The following SETD6 variants were observed in gnomAD, a reference collection of about 807,000 sequenced individuals.
The protein encoded by SETD6 is SET domain containing 6, protein lysine methyltransferase, also known as N-lysine methyltransferase SETD6.
In SETD6, 67 loss-of-function variants were observed where a neutral mutation model predicts 52.7. The ratio of observed to expected loss-of-function variants is 1.27; its 90% CI spans 1.04 to 1.56. The LOEUF (loss-of-function observed/expected upper bound fraction) is 1.56. Ranked by LOEUF, SETD6 falls within the 40% of genes most tolerant of loss-of-function variation. The pLI is 0.00. For synonymous variants in SETD6, 307 were observed against 250.2 expected (o/e 1.23, Z -2.14); for missense variants, 712 against 607.5 (o/e 1.17, Z -1.81).
At position 58,523,807 on chromosome 16, in the gene SETD6, C is replaced by CT. The variant is rs2039487985; in HGVS notation, c.*4779dup. The CT allele has an allele frequency of 1.3e-5, 3 of 226,962 alleles. No individual in the cohort carries two copies. Among genetic ancestry groups the CT allele is most frequent in the Non-Finnish European group, 2.6e-5 (3 of 114,586 alleles). 14.1% of individuals were successfully genotyped at this position (226,962 alleles called of 1,614,324 possible). ...AAGTCTTTCTACATTTTGCAGATCT[C>CT]TAAGTCTTGCTTAATAAAAGACAGC... On this transcript the variant is annotated 3_prime_UTR_variant, in exon 8 of 8. Transcript: ENST00000219315.
Position 58,518,228 on chromosome 16 carries a change from C to A in SETD6, c.970C>A (p.Gln324Lys). 6.2e-7 allele frequency: 1 copy of A among 1,614,184 alleles called. No individual in the cohort carries two copies. The highest frequency in any genetic ancestry group is 8.5e-7 in the Non-Finnish European group (1 of 1,180,034). Residue 324 changes from glutamine (Q) to lysine (K), a missense_variant, in exon 6 of 8, where the codon CAG becomes AAG. By Grantham distance (53) the Gln-to-Lys change is moderately conservative. Coordinates refer to ENST00000219315, the MANE Select transcript of SETD6 (RefSeq NM_001160305.4). ...GGTGACAGTTCGTGAGGCAGCATTA[C>A]AGGGTGAGTGTATCATTAACTCAAT... Reference protein sequence around the residue: ...QMVTVREAALQGTKTEAERHL... With the variant: ...QMVTVREAALKGTKTEAERHL...
Position 58,518,825 on chromosome 16 carries a change from C to G in SETD6, c.1218C>G (p.Pro406=). 1 of 1,614,176 alleles carries G rather than the reference C, an allele frequency of 6.2e-7. No homozygotes were observed. The highest frequency in any genetic ancestry group is 8.5e-7 in the Non-Finnish European group (1 of 1,180,042). The part of the protein sequence containing the change: ...EEGSLTITNI[P]KLKASWRQLL... Reference sequence around the variant, plus strand: ...GCAGCCTGACGATCACAAATATTCCCAAGCTCAAAGCATCGTGGAGACAGC... The same window carrying G: ...GCAGCCTGACGATCACAAATATTCCGAAGCTCAAAGCATCGTGGAGACAGC... The change falls in exon 8 of 8, where the codon CCC becomes CCG. Residue 406 remains proline, a synonymous_variant. Transcript: ENST00000219315.
Position 58,522,504 on chromosome 16 carries a change from G to C in SETD6, c.*3475G>C, listed in dbSNP as rs1265039774. ...AGGAATACCATATTTAGCACCATAGGTGACTAATTAGGCAAATGAGCAAGT... is the reference window on the plus strand; with the variant it reads ...AGGAATACCATATTTAGCACCATAGCTGACTAATTAGGCAAATGAGCAAGT... On this transcript the variant is annotated 3_prime_UTR_variant, in exon 8 of 8. Coordinates refer to ENST00000219315, the MANE Select transcript of SETD6 (RefSeq NM_001160305.4). Among the ~76,000 whole-genome samples, 1 of 80,008 alleles carries C rather than the reference G, an allele frequency of 1.2e-5. No homozygotes were observed. The highest frequency in any genetic ancestry group is 3.1e-3 in the East Asian group (1 of 326). 52.5% of individuals were successfully genotyped at this position (80,008 alleles called of 152,430 possible). A position where few individuals can be genotyped will look rare whatever the true frequency, so the allele number is the denominator to read the frequency against.
At position 58,518,134 on chromosome 16, in the gene SETD6, A is replaced by G. The variant is rs780679825; in HGVS notation, c.876A>G (p.Gln292=). 16 of 1,614,146 alleles carry G rather than the reference A, an allele frequency of 9.9e-6. No individual in the cohort carries two copies. In the Admixed American group the frequency reaches 2.7e-4, roughly 27 times the overall value. Residue 292 remains glutamine (Q), a synonymous_variant, in exon 6 of 8, where the codon CAA becomes CAG. Transcript: ENST00000219315. The part of the protein sequence containing the change: ...FNTYGQMANW[Q]LIHMYGFVEP... ...CTTATGGGCAAATGGCTAACTGGCAACTGATTCATATGTACGGTTTTGTTG... is the reference window on the plus strand; with the variant it reads ...CTTATGGGCAAATGGCTAACTGGCAGCTGATTCATATGTACGGTTTTGTTG...
In SETD6 at chr16:58,521,937, T is replaced by A. The variant is rs1671447242; in HGVS notation, c.*2908T>A. 6.6e-6 allele frequency among the ~76,000 whole-genome samples: 1 copy of A among 151,762 alleles called. No homozygotes were observed. The highest frequency in any genetic ancestry group is 1.5e-5 in the Non-Finnish European group (1 of 67,960). On this transcript the variant is annotated 3_prime_UTR_variant, in exon 8 of 8. Transcript: ENST00000219315. ...CTGCACTCCAGCCTGGGAGACAGAG[T>A]GAGACCCTGTCTCAAATAAACAGAT...
Position 58,521,145 on chromosome 16 carries a change from T to A in SETD6, c.*2116T>A, listed in dbSNP as rs1433258360. On this transcript the variant is annotated 3_prime_UTR_variant, in exon 8 of 8. Coordinates refer to ENST00000219315, the MANE Select transcript of SETD6 (RefSeq NM_001160305.4). ...GAGACAGATGGTTTTCAGTCTCCAG[T>A]CTCATTCCTAGACAATTAAAAATTA... 2 of 1,613,458 alleles carry A rather than the reference T, an allele frequency of 1.2e-6. No homozygotes were observed. The highest frequency in any genetic ancestry group is 2.2e-5 in the South Asian group (2 of 91,034).
rs1298923120 is a variant in SETD6 at position 58,515,936 on chromosome 16, C to CA, written c.173_174insA (p.Ser59GlnfsTer117). ...CGCGGCGGGGCGCGGGCTGCCCTGA[C>CA]CAGCCCTCCTGCTCAGGTGGCGGTC... On this transcript the variant is annotated frameshift_variant, in exon 2 of 8. Coordinates refer to ENST00000219315, the MANE Select transcript of SETD6 (RefSeq NM_001160305.4). LOFTEE classifies it high-confidence loss of function. 2.0e-6 allele frequency: 3 copies of CA among 1,520,304 alleles called. No individual in the cohort carries two copies. Among genetic ancestry groups the CA allele is most frequent in the Non-Finnish European group, 2.6e-6 (3 of 1,142,172 alleles). The allele number at this position is 1,520,304 out of a possible 1,614,324, so 94.2% of individuals were successfully genotyped here. A position where few individuals can be genotyped will look rare whatever the true frequency, so the allele number is the denominator to read the frequency against.
In SETD6 at chr16:58,520,561, C is replaced by G. The variant is rs1206087383; in HGVS notation, c.*1532C>G. On this transcript the variant is annotated 3_prime_UTR_variant, in exon 8 of 8. Coordinates refer to ENST00000219315, the MANE Select transcript of SETD6 (RefSeq NM_001160305.4). ...GGCTTTTTGCTATTCTTTGGGACAC[C>G]AGGAATGTCAGAAGACATGGAGCTA... 1 of 187,506 alleles carries G rather than the reference C, an allele frequency of 5.3e-6. No individual in the cohort carries two copies. Among genetic ancestry groups the G allele is most frequent in the Non-Finnish European group, 1.1e-5 (1 of 89,056 alleles). 11.6% of individuals were successfully genotyped at this position (187,506 alleles called of 1,614,324 possible). A position where few individuals can be genotyped will look rare whatever the true frequency, so the allele number is the denominator to read the frequency against.
At chr16:58,516,770 C>T (rs1016843893) in intron 4 of SETD6, 38 bp from the exon 5 acceptor site, 1 of 1,613,596 alleles carries the variant, frequency 6.2e-7, no homozygotes, top group Non-Finnish European at 8.5e-7. Flanking sequence ...CAGTCCCTCA[C>T]CCAAGACAGG....
chr16:58,523,486 C>G lies in SETD6; in HGVS notation c.*4457C>G, dbSNP rs1410545556. 1 of 1,613,458 alleles carries G rather than the reference C, an allele frequency of 6.2e-7. No homozygotes were observed. Among genetic ancestry groups the G allele is most frequent in the Admixed American group, 1.7e-5 (1 of 59,842 alleles). On this transcript the variant is annotated 3_prime_UTR_variant, in exon 8 of 8. Coordinates refer to ENST00000219315, the MANE Select transcript of SETD6 (RefSeq NM_001160305.4). Reference sequence around the variant, plus strand: ...ACCGGAGCTGATTTGCAATTGCATTCAAAAAGAGATAGCGACCTAGAAATT... The same window carrying G: ...ACCGGAGCTGATTTGCAATTGCATTGAAAAAGAGATAGCGACCTAGAAATT...
chr16:58,519,688 C>G lies in SETD6; in HGVS notation c.*659C>G, dbSNP rs1271187015. The G allele has an allele frequency of 6.6e-6, 1 of 151,172 alleles. No homozygotes were observed. The highest frequency in any genetic ancestry group is 2.1e-4 in the South Asian group (1 of 4,786). 9.4% of individuals were successfully genotyped at this position (151,172 alleles called of 1,614,324 possible). ...TACCTGGGGGAAAAGGATATTAAAA[C>G]TGGGTATTTTAAACTCAGCTTAACC... is the stretch of plus-strand genomic sequence containing the variant. On this transcript the variant is annotated 3_prime_UTR_variant, in exon 8 of 8. Coordinates refer to ENST00000219315, the MANE Select transcript of SETD6 (RefSeq NM_001160305.4).
Position 58,516,833 on chromosome 16 carries a change from G to A in SETD6, c.697G>A (p.Glu233Lys), listed in dbSNP as rs766476778. 3.1e-6 allele frequency: 5 copies of A among 1,614,236 alleles called. No homozygotes were observed. The highest frequency in any genetic ancestry group is 4.2e-6 in the Non-Finnish European group (5 of 1,180,044). The stretch of plus-strand genomic sequence containing the variant: ...CTTTCAGGAACCACTGGAGGAAGAA[G>A]AGGATGAAAAGGAGCCCAACTCCCC... ...YSFQEPLEEE[E>K]DEKEPNSPVM... is the part of the protein sequence containing the mutation. The change falls in exon 5 of 8, where the codon GAG (glutamate) becomes AAG (lysine). Residue 233 changes from glutamate (E) to lysine (K), a missense_variant. Transcript: ENST00000219315.
rs537912314 is a variant in SETD6 at position 58,516,429 on chromosome 16, TAA to T, written c.477-47_477-46del. 2.5e-4 allele frequency: 398 copies of T among 1,612,806 alleles called. 1 individual carries two copies. The African/African-American group carries it at 4.3e-3, about 18-fold the overall frequency. ...CCGCCCCTGCACCAGTCCTACCCAGTAAAGTGTGTGAAGGAATGAAGGGAACC... is the reference window on the plus strand; with the variant it reads ...CCGCCCCTGCACCAGTCCTACCCAGTAGTGTGTGAAGGAATGAAGGGAACC... On this transcript the variant is annotated intron_variant, in intron 3 of 7. Transcript: ENST00000219315.
At chr16:58,517,073 T>C (rs757724531) in intron 5 of SETD6, 145 bp downstream of exon 5, 1 of 1,211,462 alleles carries the variant, frequency 8.3e-7, no homozygotes, top group Non-Finnish European at 1.2e-6. Context: ...TACTGTAGAA[T>C]CATTTGAATG....
chr16:58,521,346 TGTATA>T lies in SETD6; in HGVS notation c.*2319_*2323del. 1.3e-6 allele frequency: 2 copies of T among 1,573,934 alleles called. No individual in the cohort carries two copies. Among genetic ancestry groups the T allele is most frequent in the Non-Finnish European group, 1.7e-6 (2 of 1,164,400 alleles). ...GAAAAAGGGAGAAAGAGCTAGTTAA[TGTATA>T]GAAGCATACAAATTCATGATTATTC... On this transcript the variant is annotated 3_prime_UTR_variant, in exon 8 of 8. Transcript: ENST00000219315.
chr16:58,521,302 C>T lies in SETD6; in HGVS notation c.*2273C>T, dbSNP rs778015145. On this transcript the variant is annotated 3_prime_UTR_variant, in exon 8 of 8. Transcript: ENST00000219315. ...AAGGATGTGGCCTATTTACAATCAA[C>T]CGTTCCAAGAGAACTCTGGAAAAAG... 15 of 1,610,400 alleles carry T rather than the reference C, an allele frequency of 9.3e-6. No homozygotes were observed. Among genetic ancestry groups the T allele is most frequent in the Non-Finnish European group, 1.3e-5 (15 of 1,179,212 alleles).
In SETD6 at chr16:58,519,307, A is replaced by ATAAG. The variant is rs374473938; in HGVS notation, c.*284_*287dup. 3 of 366,980 alleles carry ATAAG rather than the reference A, an allele frequency of 8.2e-6. No homozygotes were observed. Among genetic ancestry groups the ATAAG allele is most frequent in the East Asian group, 5.6e-5 (1 of 18,012 alleles). The allele number at this position is 366,980 out of a possible 1,614,324, so 22.7% of individuals were successfully genotyped here. On this transcript the variant is annotated 3_prime_UTR_variant, in exon 8 of 8. Transcript: ENST00000219315. ...CAAAGCCAGTGGACATACGGTAGTA[A>ATAAG]TAAGTAAGTCTTGTTGTGTTTCAGC...
chr16:58,520,801 TAA>T lies in SETD6; in HGVS notation c.*1773_*1774del, dbSNP rs112534183. Reference sequence around the variant, plus strand: ...ATTTAAACTTTGGAACGTGCCCACATAAGACAGGAGGCTGATCCCAACAGTAG... The same window carrying T: ...ATTTAAACTTTGGAACGTGCCCACATGACAGGAGGCTGATCCCAACAGTAG... On this transcript the variant is annotated 3_prime_UTR_variant, in exon 8 of 8. Coordinates refer to ENST00000219315, the MANE Select transcript of SETD6 (RefSeq NM_001160305.4). 745 of 721,174 alleles carry T rather than the reference TAA, an allele frequency of 1.0e-3. 2 individuals carry two copies. In the African/African-American group the frequency reaches 0.012, roughly 11 times the overall value. The allele number at this position is 721,174 out of a possible 1,614,324, so 44.7% of individuals were successfully genotyped here.
Position 58,518,894 on chromosome 16 carries a change from A to G in SETD6, c.1287A>G (p.Thr429=). 6.2e-7 allele frequency: 1 copy of G among 1,614,236 alleles called. No homozygotes were observed. The highest frequency in any genetic ancestry group is 8.5e-7 in the Non-Finnish European group (1 of 1,180,042). The stretch of plus-strand genomic sequence containing the variant: ...TACTGACTTTGCAGACCTATGCCAC[A>G]GACTTAAAAACTGACCAAGGTTTAC... ...SVLLTLQTYA[T]DLKTDQGLLS... The change falls in exon 8 of 8, where the codon ACA becomes ACG. Residue 429 remains threonine, a synonymous_variant. Transcript: ENST00000219315.
Sources: allele counts gnomAD v4.1 joint callset (sites outside exome capture counted in the v4.1 genomes callset), GRCh38; gene constraint gnomAD v4.1.1; transcripts MANE v1.5; gene names NCBI Gene and HGNC (gene_info 2026-07-23, HGNC 2026-07-21).